C6orf118: variants seen among roughly 807,000 people sequenced by gnomAD.
C6orf118 encodes the protein chromosome 6 open reading frame 118, also known as uncharacterized protein C6orf118.
In C6orf118, 50 loss-of-function variants were observed where a neutral mutation model predicts 50.2. That is an observed-to-expected ratio of 1.00 (90% CI 0.79 to 1.26). The LOEUF is 1.26. Among genes scored for constraint, C6orf118 ranks in the 50% most tolerant of loss-of-function variants. C6orf118 has a pLI of 0.00. For synonymous variants in C6orf118, 239 were observed against 230.9 expected, an observed-to-expected ratio of 1.03 and a Z score of -0.32; for missense variants, 641 against 578.7, an observed-to-expected ratio of 1.11 and a Z score of -1.10.
chr6:165,293,276 G>A (rs775186600), intron 6 of C6orf118, 137 bp downstream of exon 6: 2 of 829,582 alleles, frequency 2.4e-6, no homozygotes, highest in Admixed American at 1.7e-5. Flanking sequence ...GGGTGAATAT[G>A]TTGAATTCTC....
At chr6:165,297,888 A>G in intron 5 of C6orf118, 89 bp downstream of exon 5, 1 of 1,578,810 alleles carries the variant, frequency 6.3e-7, no homozygotes, top group African/African-American at 1.3e-5. Context: ...CAACGCAGAA[A>G]TCAATGTAAC....
intron 7 of C6orf118, among the ~76,000 whole-genome samples, chr6:165,285,770 T>C (rs531471984): frequency 6.6e-6 from 1 of 152,088 alleles, no homozygotes; most frequent in Non-Finnish European, 1.5e-5. Context: ...GGGATGCAGC[T>C]GAAGCAGTGT....
chr6:165,303,018 A>G (rs1427507901), intron 1 of C6orf118, among the ~76,000 whole-genome samples: 1 of 152,216 alleles, frequency 6.6e-6, no homozygotes, highest in East Asian at 1.9e-4. Context: ...ATAGAACAAG[A>G]GCAGCCCAGA....
At chr6:165,293,554 C>T in intron 5 of C6orf118, 83 bp from the exon 6 acceptor site, 1 of 1,087,656 alleles carries the variant, frequency 9.2e-7, no homozygotes, top group Non-Finnish European at 1.4e-6. Flanking sequence ...CCACAAGTCT[C>T]TTACAGTTGA....
chr6:165,284,386 T>C (rs1333990444), intron 7 of C6orf118, among the ~76,000 whole-genome samples: 1 of 152,064 alleles, frequency 6.6e-6, no homozygotes, highest in African/African-American at 2.4e-5. Flanking sequence ...TGAAACCAAG[T>C]TTGAAAACAT....
intron 7 of C6orf118, among the ~76,000 whole-genome samples, chr6:165,284,719 C>A (rs1474463393): frequency 6.6e-6 from 1 of 152,096 alleles, no homozygotes; most frequent in Non-Finnish European, 1.5e-5. Context: ...CATAACCAAC[C>A]AAAATAAGCT....
At chr6:165,283,349 T>C (rs1016414845) in intron 7 of C6orf118, among the ~76,000 whole-genome samples, 1 of 152,144 alleles carries the variant, frequency 6.6e-6, no homozygotes, top group Non-Finnish European at 1.5e-5. Context: ...GAAGATCCCC[T>C]CGTGAGCCCA....
At chr6:165,308,286 C>T (rs942833258) in intron 1 of C6orf118, among the ~76,000 whole-genome samples, 1 of 152,054 alleles carries the variant, frequency 6.6e-6, no homozygotes, top group Non-Finnish European at 1.5e-5. Context: ...AATCTAATCA[C>T]GTGAGCCCCT....
chr6:165,309,414 A>T (rs981434486), intron 1 of C6orf118, 148 bp downstream of exon 1: 13 of 893,386 alleles, frequency 1.5e-5, no homozygotes, highest in Non-Finnish European at 2.3e-5. Flanking sequence ...ACCCCAATCC[A>T]GTCCTCAGCC....
intron 6 of C6orf118, among the ~76,000 whole-genome samples, chr6:165,292,933 C>T (rs1303505263): frequency 1.3e-5 from 2 of 152,022 alleles, no homozygotes; most frequent in South Asian, 2.1e-4. Flanking sequence ...TCCTACCAGA[C>T]GCTGAGAAAA....
chr6:165,305,039 A>G (rs1780674839), intron 1 of C6orf118, among the ~76,000 whole-genome samples: 1 of 81,796 alleles, frequency 1.2e-5, no homozygotes, highest in Non-Finnish European at 2.2e-5. Flanking sequence ...AAAAGAACAA[A>G]GCTGGAGGCA....
At chr6:165,288,496 G>T (rs947464529) in intron 7 of C6orf118, among the ~76,000 whole-genome samples, 1 of 152,106 alleles carries the variant, frequency 6.6e-6, no homozygotes, top group Non-Finnish European at 1.5e-5. Context: ...TATGTCCATT[G>T]CAGAACTATT....
Position 165,302,038 on chromosome 6 carries a change from C to T in C6orf118, c.284G>A (p.Gly95Glu). The T allele has an allele frequency of 6.2e-7, 1 of 1,613,592 alleles. No homozygotes were observed. Among genetic ancestry groups the T allele is most frequent in the Non-Finnish European group, 8.5e-7 (1 of 1,179,874 alleles). ...RPKGERASEV[G>E]EPPAGKVARM... ...CGCCACCTTCCCTGCGGGCGGCTCTCCCACCTCAGAGGCGCGCTCCCCCTT... is the reference window on the plus strand; with the variant it reads ...CGCCACCTTCCCTGCGGGCGGCTCTTCCACCTCAGAGGCGCGCTCCCCCTT... Residue 95 changes from glycine (G) to glutamate (E), a missense_variant, in exon 2 of 9, where the codon GGA (glycine) becomes GAA (glutamate). Coordinates refer to ENST00000230301, the MANE Select transcript of C6orf118 (RefSeq NM_144980.4).
At chr6:165,289,015 A>T (rs1163888911) in intron 7 of C6orf118, among the ~76,000 whole-genome samples, 1 of 152,070 alleles carries the variant, frequency 6.6e-6, no homozygotes, top group African/African-American at 2.4e-5. Context: ...AATCAGTACA[A>T]TTATTTCATC....
intron 7 of C6orf118, among the ~76,000 whole-genome samples, chr6:165,285,625 C>T (rs1238640763): frequency 4.6e-5 from 7 of 152,114 alleles, no homozygotes; most frequent in Non-Finnish European, 8.8e-5. Context: ...GATTAAGAAA[C>T]TCACTCAAAA....
chr6:165,298,898 G>A (rs1161064613), intron 4 of C6orf118, among the ~76,000 whole-genome samples: 1 of 152,178 alleles, frequency 6.6e-6, no homozygotes, highest in African/African-American at 2.4e-5. Flanking sequence ...AAAGTGTATT[G>A]AATTCAAAAT....
At chr6:165,297,585 A>T (rs1583017909) in intron 5 of C6orf118, among the ~76,000 whole-genome samples, 1 of 152,094 alleles carries the variant, frequency 6.6e-6, no homozygotes, top group East Asian at 1.9e-4. Flanking sequence ...AGTATGCCCT[A>T]TCCAATTGTT....
At chr6:165,306,758 C>T (rs1780752890) in intron 1 of C6orf118, among the ~76,000 whole-genome samples, 2 of 152,154 alleles carry the variant, frequency 1.3e-5, no homozygotes, top group South Asian at 4.1e-4. Context: ...AGTCAATCAA[C>T]ACAATCATTT....
At chr6:165,281,781 ATAT>A in intron 7 of C6orf118, 88 bp from the exon 8 acceptor site, 2 of 827,252 alleles carry the variant, frequency 2.4e-6, no homozygotes, top group Middle Eastern at 3.8e-4. Context: ...TATGTGAATG[ATAT>A]TATAATTTCA....
Sources: gnomAD v4.1 joint callset for allele counts (sites outside exome capture counted in the v4.1 genomes callset) on GRCh38, gnomAD v4.1.1 for gene constraint, MANE v1.5 for transcripts, NCBI Gene and HGNC (gene_info 2026-07-23, HGNC 2026-07-21) for gene names.